The following SETD2 variants were observed in gnomAD, a reference collection of about 807,000 sequenced individuals.
SETD2 encodes SET domain containing 2, histone lysine methyltransferase, also known as histone-lysine N-methyltransferase SETD2.
SETD2 carries 31 observed loss-of-function variants against 242.1 expected under a neutral mutation model. That is an observed-to-expected ratio of 0.13 (90% CI 0.10 to 0.17). The LOEUF is 0.17. Among genes scored for constraint, SETD2 ranks in the 10% least tolerant of loss-of-function variants. The probability of loss-of-function intolerance (pLI) is 1.00; values close to 1 mark genes in which losing one functional copy is unlikely to be tolerated. For missense variants in SETD2, 2,481 were observed against 3,046.3 expected (o/e 0.81, Z 4.37); for synonymous variants, 1,006 against 1,066.5 (o/e 0.94, Z 1.11).
intron 15 of SETD2, among the ~76,000 whole-genome samples, chr3:47,051,238 G>A (rs746226196): frequency 2.0e-5 from 3 of 151,888 alleles, no homozygotes; most frequent in Admixed American, 6.6e-5. Context: ...CCGAGTAGCT[G>A]GGACTACAGG....
In SETD2 at chr3:47,122,775, A is replaced by G. The variant is rs2106687093; in HGVS notation, c.1861T>C (p.Leu621=). Reference sequence around the variant, plus strand: ...TTTTTTAAAGTAGGTGAATCATTTAATCGATTTGATGGAGCTGGAGACCCA... The same window carrying G: ...TTTTTTAAAGTAGGTGAATCATTTAGTCGATTTGATGGAGCTGGAGACCCA... ...KAGSPAPSNR[L]NDSPTLKKLD... is the part of the protein sequence containing the mutation. The change falls in exon 3 of 21, where the codon TTA becomes CTA. Residue 621 remains leucine, a synonymous_variant. Coordinates refer to ENST00000409792, the MANE Select transcript of SETD2 (RefSeq NM_014159.7). 6.2e-7 allele frequency: 1 copy of G among 1,610,972 alleles called. No individual in the cohort carries two copies. The highest frequency in any genetic ancestry group is 1.7e-5 in the Admixed American group (1 of 59,180).
rs1448833653 is a variant in SETD2 at position 47,164,058 on chromosome 3, G to C, written c.-134C>G. On this transcript the variant is annotated 5_prime_UTR_variant, in exon 1 of 21. Coordinates refer to ENST00000409792, the MANE Select transcript of SETD2 (RefSeq NM_014159.7). The surrounding 1 kb of genome is among the most constrained non-coding windows in gnomAD (Gnocchi z 5.4). ...GGCGGCGGCGGCAGGGGCGGCCCGC[G>C]TCGCTACCTCGCTCGTCGCTCCCTC... 8.3e-7 allele frequency: 1 copy of C among 1,209,112 alleles called. No individual in the cohort carries two copies. Among genetic ancestry groups the C allele is most frequent in the African/African-American group, 1.6e-5 (1 of 63,172 alleles). 74.9% of individuals were successfully genotyped at this position (1,209,112 alleles called of 1,614,324 possible).
chr3:47,157,873 C>CA lies in SETD2; in HGVS notation c.71+5980dup, dbSNP rs1249370994. Among the ~76,000 whole-genome samples the CA allele has an allele frequency of 6.8e-3, 799 of 116,670 alleles. 5 individuals carry two copies. The highest frequency in any genetic ancestry group is 0.019 in the African/African-American group (588 of 31,376). The allele number at this position is 116,670 out of a possible 152,430, so 76.5% of individuals were successfully genotyped here. The stretch of plus-strand genomic sequence containing the variant: ...GGGCAACAAGAGCAAAACTCCATCT[C>CA]AAAAAAAAAAAAGAAAAGAAAAAAA... On this transcript the variant is annotated intron_variant, in intron 1 of 20. Coordinates refer to ENST00000409792, the MANE Select transcript of SETD2 (RefSeq NM_014159.7).
chr3:47,119,852 G>T, intron 3 of SETD2: 3 of 473,584 alleles, frequency 6.3e-6, no homozygotes, highest in South Asian at 5.2e-5. Context: ...TTTTGCTGGG[G>T]TTTTATTCTG....
chr3:47,021,458 T>C (rs1259334998), intron 18 of SETD2, among the ~76,000 whole-genome samples: 1 of 152,170 alleles, frequency 6.6e-6, no homozygotes, highest in Non-Finnish European at 1.5e-5. Flanking sequence ...ATTTAATCCC[T>C]GACTTGATGA....
At chr3:47,027,967 A>AT (rs987903444) in intron 18 of SETD2, among the ~76,000 whole-genome samples, 15 of 150,956 alleles carry the variant, frequency 9.9e-5, no homozygotes, top group South Asian at 2.1e-4. Context: ...AATTTTTTGT[A>AT]TTTTTTTTAG....
Position 47,027,336 on chromosome 3 carries a change from C to CA in SETD2, c.7351-7497dup, listed in dbSNP as rs145911577. ...TGGGCGACAGAGCGAGACTCCATCT[C>CA]AAAAAAAAAAAAAAAAAAAAAAAAA... On this transcript the variant is annotated intron_variant, in intron 18 of 20. Coordinates refer to ENST00000409792, the MANE Select transcript of SETD2 (RefSeq NM_014159.7). 6.0e-3 allele frequency among the ~76,000 whole-genome samples: 617 copies of CA among 103,622 alleles called. 49 individuals carry two copies. The highest frequency in any genetic ancestry group is 0.026 in the African/African-American group (498 of 18,836). 68.0% of individuals were successfully genotyped at this position (103,622 alleles called of 152,430 possible). A position where few individuals can be genotyped will look rare whatever the true frequency, so the allele number is the denominator to read the frequency against.
At position 47,121,663 on chromosome 3, in the gene SETD2, A is replaced by G. The variant is rs2106657123; in HGVS notation, c.2973T>C (p.His991=). ...ATACAACTTCTGAGTCATCAGAAGT[A>G]TGCACATGTCCTCCTTCTCCTCTTT... is the stretch of plus-strand genomic sequence containing the variant. ...LDERGEGGHV[H]TSDDSEVVFS... The change falls in exon 3 of 21, where the codon CAT becomes CAC. Residue 991 remains histidine, a synonymous_variant. Transcript: ENST00000409792. 1 of 1,613,844 alleles carries G rather than the reference A, an allele frequency of 6.2e-7. No individual in the cohort carries two copies. Among genetic ancestry groups the G allele is most frequent in the Non-Finnish European group, 8.5e-7 (1 of 1,179,720 alleles).
At chr3:47,111,931 T>C (rs1295466566) in intron 5 of SETD2, among the ~76,000 whole-genome samples, 1 of 152,130 alleles carries the variant, frequency 6.6e-6, no homozygotes, top group Non-Finnish European at 1.5e-5. Flanking sequence ...CCAACTCCCA[T>C]CCAACTGTGG....
chr3:47,142,060 C>T (rs750416032), intron 1 of SETD2, among the ~76,000 whole-genome samples: 1 of 152,178 alleles, frequency 6.6e-6, no homozygotes, highest in Non-Finnish European at 1.5e-5. Flanking sequence ...CACTATCCAT[C>T]ATTTCATACA....
At chr3:47,072,943 T>C (rs1233206692) in intron 12 of SETD2, among the ~76,000 whole-genome samples, 5 of 132,490 alleles carry the variant, frequency 3.8e-5, no homozygotes, top group Non-Finnish European at 4.7e-5. Context: ...CGAGACTCCA[T>C]CTCAAAAAAA....
At chr3:47,161,100 C>A (rs1217822881) in intron 1 of SETD2, among the ~76,000 whole-genome samples, 2 of 152,170 alleles carry the variant, frequency 1.3e-5, no homozygotes, top group Non-Finnish European at 2.9e-5. Context: ...CTAAAAAGGG[C>A]ACTTGGTCAT....
chr3:47,126,618 T>A lies in SETD2; in HGVS notation c.87+30A>T, dbSNP rs769917693. 1.2e-5 allele frequency: 14 copies of A among 1,208,154 alleles called. No individual in the cohort carries two copies. In the Admixed American group the frequency reaches 2.5e-4, roughly 22 times the overall value. 74.8% of individuals were successfully genotyped at this position (1,208,154 alleles called of 1,614,324 possible). ...ATGTGTTTAGTGGTCCATCTCATAA[T>A]CATTGAATGACTAGTTAAATTATAC... On this transcript the variant is annotated intron_variant, in intron 2 of 20. Coordinates refer to ENST00000409792, the MANE Select transcript of SETD2 (RefSeq NM_014159.7).
chr3:47,075,160 A>T (rs1310021898), intron 12 of SETD2, among the ~76,000 whole-genome samples: 1 of 151,840 alleles, frequency 6.6e-6, no homozygotes, highest in East Asian at 1.9e-4. Flanking sequence ...AAATCTCTGC[A>T]GTATTAAAGG....
chr3:47,074,743 A>G (rs910929820), intron 12 of SETD2, among the ~76,000 whole-genome samples: 3 of 152,160 alleles, frequency 2.0e-5, no homozygotes, highest in East Asian at 1.9e-4. Flanking sequence ...GAAATTGCTT[A>G]TATTTATGGA....
At chr3:47,067,737 G>A (rs755531079) in intron 12 of SETD2, among the ~76,000 whole-genome samples, 2 of 151,964 alleles carry the variant, frequency 1.3e-5, no homozygotes, top group Admixed American at 6.6e-5. Flanking sequence ...ATGTGCACTT[G>A]CCATCTCTAC....
chr3:47,141,044 C>T (rs2106791816), intron 1 of SETD2, among the ~76,000 whole-genome samples: 1 of 151,952 alleles, frequency 6.6e-6, no homozygotes, highest in African/African-American at 2.4e-5. Flanking sequence ...CTCACCCAGG[C>T]TGGAGTGCAG....
intron 12 of SETD2, among the ~76,000 whole-genome samples, chr3:47,075,729 C>T (rs1171401312): frequency 6.6e-6 from 1 of 152,148 alleles, no homozygotes; most frequent in Non-Finnish European, 1.5e-5. Flanking sequence ...CAATTGTCAG[C>T]TGTCACTTAA....
At chr3:47,062,660 T>C (rs1171996439) in intron 13 of SETD2, among the ~76,000 whole-genome samples, 1 of 152,250 alleles carries the variant, frequency 6.6e-6, no homozygotes, top group Non-Finnish European at 1.5e-5. Context: ...CCCATTACAT[T>C]TAGCAAGGCA....
Sources: allele counts gnomAD v4.1 joint callset (sites outside exome capture counted in the v4.1 genomes callset), GRCh38; gene constraint gnomAD v4.1.1; non-coding constraint Gnocchi (gnomAD v3.1); transcripts MANE v1.5; gene names NCBI Gene and HGNC (gene_info 2026-07-23, HGNC 2026-07-21).